CPXM2: variants seen among roughly 807,000 people sequenced by gnomAD.
CPXM2 encodes the protein carboxypeptidase X, M14 family member 2.
In CPXM2, 66 loss-of-function variants were observed where a neutral mutation model predicts 86.1. The observed-to-expected ratio is 0.77, with a 90% CI of 0.63 to 0.94. The LOEUF (loss-of-function observed/expected upper bound fraction) is 0.94, where lower values mean the gene tolerates loss of function less well. Ranked by LOEUF, CPXM2 falls within the 40% of genes least tolerant of loss-of-function variation. The probability of loss-of-function intolerance (pLI) is 0.00; values close to 1 mark genes in which losing one functional copy is unlikely to be tolerated. For synonymous variants in CPXM2, 388 were observed against 400.2 expected (o/e 0.97, Z 0.36); for missense variants, 948 against 1,026.3 (o/e 0.92, Z 1.04).
chr10:123,851,918 G>C (rs937289127), intron 3 of CPXM2, among the ~76,000 whole-genome samples: 1 of 152,094 alleles, frequency 6.6e-6, no homozygotes, highest in Non-Finnish European at 1.5e-5. Flanking sequence ...AGATGATGTA[G>C]AGGCTCACTG....
upstream of CPXM2, among the ~76,000 whole-genome samples, chr10:123,894,976 G>A (rs540208498): frequency 7.9e-5 from 12 of 152,168 alleles, no homozygotes; most frequent in East Asian, 9.7e-4. Flanking sequence ...CTCCCCGACC[G>A]AAGAATCTGC....
At chr10:123,778,457 A>G (rs1435266335) in intron 7 of CPXM2, among the ~76,000 whole-genome samples, 1 of 152,206 alleles carries the variant, frequency 6.6e-6, no homozygotes, top group Admixed American at 6.5e-5. Context: ...GGGATCGCAC[A>G]GGGGTCTCCC....
In CPXM2 at chr10:123,811,484, TAA is replaced by T. The variant is rs1275335791; in HGVS notation, c.654-12287_654-12286del. ...AATGTGACAAGCGAAACTTAAAACT[TAA>T]AAAACCTGAATAACAAATAGAAGAA... On this transcript the variant is annotated intron_variant, in intron 4 of 13. Coordinates refer to ENST00000241305, the MANE Select transcript of CPXM2 (RefSeq NM_198148.3). Among the ~76,000 whole-genome samples, 4 of 152,162 alleles carry T rather than the reference TAA, an allele frequency of 2.6e-5. No homozygotes were observed. In the East Asian group the frequency reaches 7.7e-4, roughly 29 times the overall value.
At chr10:123,786,015 A>AT (rs1847046028) in intron 6 of CPXM2, among the ~76,000 whole-genome samples, 2 of 152,188 alleles carry the variant, frequency 1.3e-5, no homozygotes, top group Admixed American at 1.3e-4. Flanking sequence ...TTAATTATTA[A>AT]TTGATCAGCT....
In CPXM2 at chr10:123,891,456, C is replaced by G. The variant is rs1349339422; in HGVS notation, c.204G>C (p.Glu68Asp). The G allele has an allele frequency of 6.4e-7, 1 of 1,550,886 alleles. No homozygotes were observed. The highest frequency in any genetic ancestry group is 8.7e-7 in the Non-Finnish European group (1 of 1,147,062). The change falls in exon 1 of 14, where the codon GAG becomes GAC. Residue 68 changes from glutamate to aspartate, a missense_variant. Transcript: ENST00000241305. The surrounding 1 kb of genome is among the most constrained non-coding windows in gnomAD (Gnocchi z 5.6). ...TGGGCTCCTGCGGGCGCCGCTCCCA[C>G]TCCTCCCCGGGCCCCGCAGGCAGCG... is the stretch of plus-strand genomic sequence containing the variant. ...SPPLPAGPGE[E>D]WERRPQEPRP...
intron 3 of CPXM2, among the ~76,000 whole-genome samples, chr10:123,852,161 C>CT (rs1265494240): frequency 2.0e-5 from 3 of 152,244 alleles, no homozygotes; most frequent in South Asian, 2.1e-4. Flanking sequence ...GGGCTCCCAA[C>CT]TTTGTCATGG....
At chr10:123,836,584 C>A (rs1848286086) in intron 4 of CPXM2, among the ~76,000 whole-genome samples, 1 of 152,210 alleles carries the variant, frequency 6.6e-6, no homozygotes, top group Non-Finnish European at 1.5e-5. Context: ...GCCCTCTCTG[C>A]AACTGGAGAA....
chr10:123,779,777 T>C lies in CPXM2; in HGVS notation c.978+390A>G, dbSNP rs1017055998. ...ATTAGGAGGACTGAACGTGATCATGTATGTAAGTTGATCCTATGTGAATAT... is the reference window on the plus strand; with the variant it reads ...ATTAGGAGGACTGAACGTGATCATGCATGTAAGTTGATCCTATGTGAATAT... On this transcript the variant is annotated intron_variant, in intron 7 of 13. Transcript: ENST00000241305. Among the ~76,000 whole-genome samples, 5 of 152,204 alleles carry C rather than the reference T, an allele frequency of 3.3e-5. No individual in the cohort carries two copies. The East Asian group carries it at 9.6e-4, about 29-fold the overall frequency.
At chr10:123,820,002 G>C (rs1021703080) in intron 4 of CPXM2, among the ~76,000 whole-genome samples, 4 of 152,184 alleles carry the variant, frequency 2.6e-5, no homozygotes, top group Non-Finnish European at 4.4e-5. Context: ...AACATGAAAA[G>C]ACCAGACTGG....
At chr10:123,827,968 A>AGCCAGGGT (rs1848082369) in intron 4 of CPXM2, among the ~76,000 whole-genome samples, 2 of 152,168 alleles carry the variant, frequency 1.3e-5, no homozygotes, top group Non-Finnish European at 2.9e-5. Context: ...ATTTGAGACT[A>AGCCAGGGT]GCCAGGGTAA....
chr10:123,924,426 T>C (rs1029829299), intron 2 of CPXM2, among the ~76,000 whole-genome samples: 1 of 152,196 alleles, frequency 6.6e-6, no homozygotes, highest in East Asian at 1.9e-4. Context: ...GCCTACTGGT[T>C]TCCTGGTTTC....
At chr10:123,770,829 A>T in intron 8 of CPXM2, 87 bp downstream of exon 8, 1 of 1,403,114 alleles carries the variant, frequency 7.1e-7, no homozygotes, top group Non-Finnish European at 9.7e-7. Flanking sequence ...TGTGGCATGA[A>T]TCTTCTCATA....
chr10:123,858,749 T>A (rs74162957), intron 3 of CPXM2, among the ~76,000 whole-genome samples: 4,349 of 152,352 alleles, frequency 0.029, 224 homozygotes, highest in African/African-American at 0.1. Context: ...GACTGAAGCA[T>A]CTTGAAGGCA....
intron 4 of CPXM2, among the ~76,000 whole-genome samples, chr10:123,800,992 A>C (rs1283638202): frequency 2.0e-5 from 3 of 152,192 alleles, no homozygotes; most frequent in African/African-American, 7.2e-5. Context: ...GTGACAGTCC[A>C]CCAGAGGCCC....
intron 2 of CPXM2, among the ~76,000 whole-genome samples, chr10:123,922,982 G>A (rs185366730): frequency 2.6e-5 from 4 of 152,252 alleles, no homozygotes; most frequent in Admixed American, 6.5e-5. Context: ...GCTTGAGGCC[G>A]TCCCATGCAG....
At chr10:123,823,934 G>T (rs1020442588) in intron 4 of CPXM2, among the ~76,000 whole-genome samples, 5 of 152,058 alleles carry the variant, frequency 3.3e-5, no homozygotes, top group Admixed American at 3.3e-4. Context: ...ATTAAAAGTA[G>T]CATTATTTGG....
At chr10:123,820,084 T>C (rs1439391314) in intron 4 of CPXM2, among the ~76,000 whole-genome samples, 1 of 152,226 alleles carries the variant, frequency 6.6e-6, no homozygotes, top group Non-Finnish European at 1.5e-5. Context: ...CTCCAAGTTC[T>C]TCAGTTTTGG....
At chr10:123,792,887 T>TA (rs1382943753) in intron 6 of CPXM2, among the ~76,000 whole-genome samples, 2 of 152,044 alleles carry the variant, frequency 1.3e-5, no homozygotes. Context: ...AGGAAAGACC[T>TA]AAGGCAACCC....
At chr10:123,826,178 C>G (rs1359251315) in intron 4 of CPXM2, among the ~76,000 whole-genome samples, 1 of 152,194 alleles carries the variant, frequency 6.6e-6, no homozygotes, top group African/African-American at 2.4e-5. Flanking sequence ...AACTTGCTCT[C>G]AGTCACACAG....
Sources: allele counts gnomAD v4.1 joint callset (sites outside exome capture counted in the v4.1 genomes callset), GRCh38; gene constraint gnomAD v4.1.1; non-coding constraint Gnocchi (gnomAD v3.1); transcripts MANE v1.5; gene names NCBI Gene and HGNC (gene_info 2026-07-23, HGNC 2026-07-21).